The following GRIN3A variants were observed in gnomAD, a reference collection of about 807,000 sequenced individuals.
GRIN3A encodes the protein glutamate ionotropic receptor NMDA type subunit 3A.
GRIN3A carries 47 observed loss-of-function variants against 92.4 expected under a neutral mutation model. The observed-to-expected ratio is 0.51, with a 90% CI of 0.40 to 0.65. The LOEUF (loss-of-function observed/expected upper bound fraction) is 0.65. GRIN3A is among the 30% of genes least tolerant of loss of function. The pLI, the probability that GRIN3A is intolerant of heterozygous loss-of-function variation, is 0.00. For synonymous variants in GRIN3A, 527 were observed against 540.6 expected (o/e 0.97, Z 0.35); for missense variants, 1,324 against 1,393.1 (o/e 0.95, Z 0.79).
At position 101,602,797 on chromosome 9, in the gene GRIN3A, A is replaced by G. The variant is rs189622583; in HGVS notation, c.2766+10579T>C. 1.4e-3 allele frequency among the ~76,000 whole-genome samples: 220 copies of G among 152,240 alleles called. 1 individual carries two copies. The highest frequency in any genetic ancestry group is 5.0e-3 in the African/African-American group (208 of 41,548). ...TTCTCTCAGAATCCTAATTTGTGTTATTTATAGTAGCCAGAAAGCAACAGA... is the reference window on the plus strand; with the variant it reads ...TTCTCTCAGAATCCTAATTTGTGTTGTTTATAGTAGCCAGAAAGCAACAGA... On this transcript the variant is annotated intron_variant, in intron 6 of 8. Transcript: ENST00000361820.
chr9:101,656,212 AG>A, intron 3 of GRIN3A, among the ~76,000 whole-genome samples: 1 of 152,066 alleles, frequency 6.6e-6, no homozygotes, highest in Non-Finnish European at 1.5e-5. Flanking sequence ...GCACAAAGGT[AG>A]CATAGATCAG....
chr9:101,723,549 G>T (rs1407187222), intron 1 of GRIN3A, among the ~76,000 whole-genome samples: 1 of 152,158 alleles, frequency 6.6e-6, no homozygotes. Flanking sequence ...GCCACTGCTG[G>T]CTCGGGCAGC....
intron 1 of GRIN3A, among the ~76,000 whole-genome samples, chr9:101,693,391 C>A (rs567099505): frequency 3.3e-5 from 5 of 151,630 alleles, no homozygotes; most frequent in African/African-American, 1.2e-4. Context: ...TGCACTTCAG[C>A]CTGGGTGCAG....
intron 8 of GRIN3A, among the ~76,000 whole-genome samples, chr9:101,574,044 G>A (rs1393273651): frequency 6.6e-6 from 1 of 152,010 alleles, no homozygotes; most frequent in African/African-American, 2.4e-5. Flanking sequence ...TAAGCCACAG[G>A]TCTCAGCAAA....
In GRIN3A at chr9:101,738,286, C is replaced by G. The variant is rs921926393; in HGVS notation, c.-307G>C. The G allele has an allele frequency of 2.5e-5, 11 of 432,018 alleles. No individual in the cohort carries two copies. Among genetic ancestry groups the G allele is most frequent in the Middle Eastern group, 6.5e-4 (1 of 1,548 alleles). The allele number at this position is 432,018 out of a possible 1,614,324, so 26.8% of individuals were successfully genotyped here. On this transcript the variant is annotated 5_prime_UTR_variant, in exon 1 of 9. Coordinates refer to ENST00000361820, the MANE Select transcript of GRIN3A (RefSeq NM_133445.3). ...CTGGAGCGCCCGTTCCCTGCCCGCC[C>G]CATCTGCAGGGCGCCTCGGGCACTG...
chr9:101,731,532 T>A (rs1830139471), intron 1 of GRIN3A, among the ~76,000 whole-genome samples: 1 of 152,172 alleles, frequency 6.6e-6, no homozygotes, highest in South Asian at 2.1e-4. Context: ...CCTGCTTAAT[T>A]CTCTACCACA....
Position 101,737,947 on chromosome 9 carries a change from G to A in GRIN3A, c.33C>T (p.Ser11=). 6.5e-7 allele frequency: 1 copy of A among 1,537,556 alleles called. No homozygotes were observed. Among genetic ancestry groups the A allele is most frequent in the Non-Finnish European group, 8.7e-7 (1 of 1,148,498 alleles). Residue 11 remains serine (S), a synonymous_variant, in exon 1 of 9, where the codon AGC becomes AGT. Coordinates refer to ENST00000361820, the MANE Select transcript of GRIN3A (RefSeq NM_133445.3). ...GCGGCGGCAACAGCAGACAGACCCT[G>A]CTCAGCAGCCACCACAAACTCAGTC... MRRLSLWWLL[S]RVCLLLPPPC...
chr9:101,720,842 C>T (rs1047274716), intron 1 of GRIN3A, among the ~76,000 whole-genome samples: 3 of 152,014 alleles, frequency 2.0e-5, no homozygotes, highest in African/African-American at 7.2e-5. Flanking sequence ...ACTCTGGAGC[C>T]TACTGGAGGG....
In GRIN3A at chr9:101,684,793, A is replaced by G. The variant is rs1201175106; in HGVS notation, c.1304+1803T>C. Among the ~76,000 whole-genome samples the G allele has an allele frequency of 4.6e-5, 7 of 152,240 alleles. 1 individual carries two copies. In the East Asian group the frequency reaches 7.7e-4, roughly 17 times the overall value. Reference sequence around the variant, plus strand: ...TGCATTCTCCTTTTTACATGAGACAAAAAGATGCTAAGGAACTCAATGTAG... The same window carrying G: ...TGCATTCTCCTTTTTACATGAGACAGAAAGATGCTAAGGAACTCAATGTAG... On this transcript the variant is annotated intron_variant, in intron 2 of 8. Coordinates refer to ENST00000361820, the MANE Select transcript of GRIN3A (RefSeq NM_133445.3).
chr9:101,615,377 T>G (rs1828430203), intron 5 of GRIN3A, among the ~76,000 whole-genome samples: 1 of 145,496 alleles, frequency 6.9e-6, no homozygotes. Flanking sequence ...AGAGCACTGA[T>G]TTTTGTTCCT....
chr9:101,650,666 A>G (rs1156912368), intron 3 of GRIN3A, among the ~76,000 whole-genome samples: 1 of 151,974 alleles, frequency 6.6e-6, no homozygotes, highest in African/African-American at 2.4e-5. Context: ...ATTATCATAG[A>G]AATAGGTGAC....
chr9:101,641,803 A>G (rs12003435), intron 3 of GRIN3A, among the ~76,000 whole-genome samples: 1 of 151,620 alleles, frequency 6.6e-6, no homozygotes, highest in South Asian at 2.1e-4. Context: ...AAAAAAAAAA[A>G]CGAAATGCAA....
intron 6 of GRIN3A, among the ~76,000 whole-genome samples, chr9:101,603,734 G>C (rs1828239408): frequency 6.6e-6 from 1 of 152,208 alleles, no homozygotes; most frequent in South Asian, 2.1e-4. Context: ...AATCCCTCGG[G>C]AAGGGGCCCT....
Position 101,570,328 on chromosome 9 carries a change from T to G in GRIN3A, c.*2846A>C, listed in dbSNP as rs1331598615. ...ATCTGAAGGCTTCTGATCTTTGTGT[T>G]TTTTTTGAGCCTCAAAGGAGTTGAA... is the stretch of plus-strand genomic sequence containing the variant. On this transcript the variant is annotated 3_prime_UTR_variant, in exon 9 of 9. Coordinates refer to ENST00000361820, the MANE Select transcript of GRIN3A (RefSeq NM_133445.3). 6.6e-6 allele frequency: 1 copy of G among 152,546 alleles called. No individual in the cohort carries two copies. The highest frequency in any genetic ancestry group is 1.5e-5 in the Non-Finnish European group (1 of 68,002). 9.4% of individuals were successfully genotyped at this position (152,546 alleles called of 1,614,324 possible).
At chr9:101,698,330 A>C (rs567177223) in intron 1 of GRIN3A, among the ~76,000 whole-genome samples, 1 of 152,326 alleles carries the variant, frequency 6.6e-6, no homozygotes, top group East Asian at 1.9e-4. Flanking sequence ...TTTAAAATGG[A>C]AAGAATTTCC....
chr9:101,688,504 A>G (rs1227844986), intron 1 of GRIN3A, among the ~76,000 whole-genome samples: 1 of 152,192 alleles, frequency 6.6e-6, no homozygotes, highest in Admixed American at 6.5e-5. Context: ...GCGTTGGAAA[A>G]ATCATCACTG....
At chr9:101,586,788 G>C (rs1437967355) in intron 6 of GRIN3A, among the ~76,000 whole-genome samples, 1 of 152,128 alleles carries the variant, frequency 6.6e-6, no homozygotes, top group Non-Finnish European at 1.5e-5. Context: ...ACCAGGCAAA[G>C]CATGAGACTC....
chr9:101,624,623 G>A (rs1259032472), intron 4 of GRIN3A, among the ~76,000 whole-genome samples: 8 of 151,848 alleles, frequency 5.3e-5, no homozygotes, highest in African/African-American at 1.7e-4. Context: ...CCAGTCTATC[G>A]TTGTTGGACA....
intron 8 of GRIN3A, among the ~76,000 whole-genome samples, chr9:101,573,773 ATTTTTTTTTT>A (rs5899448): frequency 1.1e-5 from 1 of 92,614 alleles, no homozygotes; most frequent in Non-Finnish European, 2.1e-5. Flanking sequence ...GGTATGGTGC[ATTTTTTTTTT>A]TTTTTTTTTT....
Sources: allele counts gnomAD v4.1 joint callset (sites outside exome capture counted in the v4.1 genomes callset), GRCh38; gene constraint gnomAD v4.1.1; transcripts MANE v1.5; gene names NCBI Gene and HGNC (gene_info 2026-07-23, HGNC 2026-07-21).